GNA14: variants seen among roughly 807,000 people sequenced by gnomAD.
GNA14 encodes the protein guanine nucleotide-binding protein subunit alpha-14.
In GNA14, 50 loss-of-function variants were observed where a neutral mutation model predicts 42.0. That is an observed-to-expected ratio of 1.19 (90% CI 0.95 to 1.51). The LOEUF is 1.51. Ranked by LOEUF, GNA14 falls within the 40% of genes most tolerant of loss-of-function variation. GNA14 has a pLI of 0.00. For missense variants in GNA14, 473 were observed against 446.2 expected (o/e 1.06, Z -0.54); for synonymous variants, 173 against 163.1 (o/e 1.06, Z -0.46).
chr9:77,443,844 T>C (rs548578099), intron 2 of GNA14, among the ~76,000 whole-genome samples: 2 of 152,242 alleles, frequency 1.3e-5, no homozygotes, highest in South Asian at 2.1e-4. Context: ...TAGCTGAGCA[T>C]GGTGATGCGT....
chr9:77,639,716 C>T (rs1435909599), intron 1 of GNA14, among the ~76,000 whole-genome samples: 1 of 152,220 alleles, frequency 6.6e-6, no homozygotes, highest in Non-Finnish European at 1.5e-5. Context: ...TGTCCAGAGT[C>T]CCTTAAATCC....
chr9:77,471,145 G>A (rs1458078342), intron 2 of GNA14, among the ~76,000 whole-genome samples: 1 of 152,138 alleles, frequency 6.6e-6, no homozygotes, highest in African/African-American at 2.4e-5. Context: ...GAATGTGAAG[G>A]GACAATACTG....
intron 1 of GNA14, among the ~76,000 whole-genome samples, chr9:77,633,505 A>G (rs574850214): frequency 1.2e-4 from 18 of 152,182 alleles, no homozygotes; most frequent in Non-Finnish European, 2.6e-4. Context: ...CACCCAAGAC[A>G]TAGAAATGTT....
chr9:77,469,946 G>T (rs1422624183), intron 2 of GNA14, among the ~76,000 whole-genome samples: 1 of 152,172 alleles, frequency 6.6e-6, no homozygotes, highest in East Asian at 1.9e-4. Context: ...TTGTAAAAAA[G>T]CAAAACTGTA....
intron 1 of GNA14, among the ~76,000 whole-genome samples, chr9:77,643,092 C>A (rs1452269700): frequency 6.6e-6 from 1 of 152,186 alleles, no homozygotes. Context: ...GTGAACTGTC[C>A]TTCTCCAACT....
Position 77,574,123 on chromosome 9 carries a change from A to G in GNA14, c.125-44870T>C, listed in dbSNP as rs376874454. On this transcript the variant is annotated intron_variant, in intron 1 of 6. Transcript: ENST00000341700. ...AGTTCAAGACCAGCCTGGGCAACAT[A>G]GCAAGAGCCTGTCTCTAAAATTAAA... Among the ~76,000 whole-genome samples the G allele has an allele frequency of 4.5e-4, 69 of 152,274 alleles. No homozygotes were observed. In the East Asian group the frequency reaches 6.2e-3, roughly 14 times the overall value.
chr9:77,435,933 G>A (rs1467565441), intron 2 of GNA14, among the ~76,000 whole-genome samples: 2 of 152,174 alleles, frequency 1.3e-5, no homozygotes, highest in East Asian at 1.9e-4. Context: ...ACATCACCAA[G>A]CAGGGCTGGC....
chr9:77,471,612 G>C (rs1836330845), intron 2 of GNA14, among the ~76,000 whole-genome samples: 1 of 152,186 alleles, frequency 6.6e-6, no homozygotes, highest in African/African-American at 2.4e-5. Context: ...TGAGGAGCTT[G>C]CTACATGTGT....
At chr9:77,535,587 G>A (rs542683374) in intron 1 of GNA14, among the ~76,000 whole-genome samples, 1 of 152,224 alleles carries the variant, frequency 6.6e-6, no homozygotes, top group South Asian at 2.1e-4. Context: ...ACTGATTTAT[G>A]AGAGAATCAG....
At chr9:77,599,082 C>T (rs999558535) in intron 1 of GNA14, among the ~76,000 whole-genome samples, 1 of 152,128 alleles carries the variant, frequency 6.6e-6, no homozygotes, top group African/African-American at 2.4e-5. Context: ...CTACTACAAG[C>T]ATTCAGAGAG....
At chr9:77,587,561 T>A (rs1057064441) in intron 1 of GNA14, among the ~76,000 whole-genome samples, 1 of 152,100 alleles carries the variant, frequency 6.6e-6, no homozygotes, top group Non-Finnish European at 1.5e-5. Flanking sequence ...AAAAGTCACA[T>A]AAGATTGGAT....
chr9:77,536,532 G>T (rs1298790092), intron 1 of GNA14, among the ~76,000 whole-genome samples: 1 of 152,126 alleles, frequency 6.6e-6, no homozygotes, highest in East Asian at 1.9e-4. Context: ...TGTATTTTTA[G>T]TAGAGACGGG....
chr9:77,645,452 G>A (rs1824337644), intron 1 of GNA14, among the ~76,000 whole-genome samples: 2 of 152,208 alleles, frequency 1.3e-5, no homozygotes, highest in Admixed American at 6.5e-5. Context: ...CATCCTTGGA[G>A]TTCTGAACGG....
At chr9:77,485,233 C>A (rs1488073464) in intron 2 of GNA14, among the ~76,000 whole-genome samples, 2 of 152,190 alleles carry the variant, frequency 1.3e-5, no homozygotes, top group African/African-American at 4.8e-5. Context: ...AAAATGTTCA[C>A]AGCATCTCCA....
At chr9:77,628,997 AG>A (rs1354490617) in intron 1 of GNA14, among the ~76,000 whole-genome samples, 1 of 152,196 alleles carries the variant, frequency 6.6e-6, no homozygotes, top group Non-Finnish European at 1.5e-5. Context: ...CATCTGACAA[AG>A]GGTTCATATC....
At chr9:77,577,819 T>C (rs1352555468) in intron 1 of GNA14, among the ~76,000 whole-genome samples, 1 of 152,142 alleles carries the variant, frequency 6.6e-6, no homozygotes, top group South Asian at 2.1e-4. Flanking sequence ...CCAGTAGTCA[T>C]GTTTTTTTTT....
At chr9:77,430,660 C>G (rs906627268) in intron 4 of GNA14, among the ~76,000 whole-genome samples, 2 of 152,130 alleles carry the variant, frequency 1.3e-5, no homozygotes, top group Admixed American at 1.3e-4. Flanking sequence ...ACTAGAAAAT[C>G]GTGTGTGATA....
At chr9:77,597,595 C>CA (rs1823487088) in intron 1 of GNA14, among the ~76,000 whole-genome samples, 1 of 151,552 alleles carries the variant, frequency 6.6e-6, no homozygotes, top group Non-Finnish European at 1.5e-5. Flanking sequence ...CAGTGCTCGT[C>CA]TTGGTATTAG....
intron 1 of GNA14, among the ~76,000 whole-genome samples, chr9:77,644,725 G>A (rs547849016): frequency 1.3e-5 from 2 of 152,150 alleles, no homozygotes; most frequent in Non-Finnish European, 2.9e-5. Context: ...TCCTTCCAGA[G>A]AGCTCCAAGG....
Sources: allele counts gnomAD v4.1 joint callset (sites outside exome capture counted in the v4.1 genomes callset), GRCh38; gene constraint gnomAD v4.1.1; transcripts MANE v1.5; gene names NCBI Gene and HGNC (gene_info 2026-07-23, HGNC 2026-07-21).